The following AGBL1 variants were observed in gnomAD, a reference collection of about 807,000 sequenced individuals.
The protein encoded by AGBL1 is AGBL carboxypeptidase 1, also known as cytosolic carboxypeptidase 4.
Under a neutral mutation model 118.9 loss-of-function variants are expected in AGBL1, and 130 were observed. The observed-to-expected ratio is 1.09, with a 90% CI of 0.95 to 1.26. The LOEUF (loss-of-function observed/expected upper bound fraction) is 1.26. AGBL1 is among the 50% of genes most tolerant of loss of function. AGBL1 has a pLI of 0.00. For synonymous variants in AGBL1, 555 were observed against 478.9 expected (o/e 1.16, Z -2.08); for missense variants, 1,584 against 1,298.1 (o/e 1.22, Z -3.38).
intron 6 of AGBL1, 38 bp from the exon 7 acceptor site, chr15:86,247,633 G>A (rs2078741698): frequency 1.3e-6 from 2 of 1,548,462 alleles, no homozygotes; most frequent in African/African-American, 1.4e-5. Context: ...TGGCTGTGGA[G>A]AGCCTGTGAC....
At chr15:86,679,769 TTAA>T (rs1246363099) in intron 22 of AGBL1, among the ~76,000 whole-genome samples, 3 of 152,154 alleles carry the variant, frequency 2.0e-5, no homozygotes, top group Admixed American at 6.5e-5. Context: ...GATTAGATGA[TTAA>T]TTTTATCAAA....
intron 17 of AGBL1, among the ~76,000 whole-genome samples, chr15:86,311,478 C>T (rs565695808): frequency 2.6e-5 from 4 of 152,170 alleles, no homozygotes; most frequent in South Asian, 4.1e-4. Flanking sequence ...GAAAAGAATA[C>T]GCTTTCTTTT....
At chr15:86,294,402 C>CAA (rs35878636) in intron 16 of AGBL1, among the ~76,000 whole-genome samples, 103 of 63,466 alleles carry the variant, frequency 1.6e-3, no homozygotes, top group East Asian at 2.3e-3. Context: ...GACTTTGTCT[C>CAA]AAAAAAAAAA....
At chr15:86,519,804 A>C (rs1236467801) in intron 18 of AGBL1, among the ~76,000 whole-genome samples, 1 of 152,200 alleles carries the variant, frequency 6.6e-6, no homozygotes, top group African/African-American at 2.4e-5. Context: ...AATTTTCCCC[A>C]AAATAAGAGC....
intron 22 of AGBL1, among the ~76,000 whole-genome samples, chr15:86,687,982 A>AT (rs1309883025): frequency 6.6e-6 from 1 of 152,084 alleles, no homozygotes; most frequent in East Asian, 1.9e-4. Context: ...CAACACAGAG[A>AT]TTTTGTCTTC....
intron 1 of AGBL1, among the ~76,000 whole-genome samples, chr15:86,126,949 G>A (rs1416368704): frequency 6.6e-6 from 1 of 152,146 alleles, no homozygotes; most frequent in Admixed American, 6.5e-5. Flanking sequence ...TCCTTTAGAG[G>A]TGCTTGTGTG....
intron 22 of AGBL1, among the ~76,000 whole-genome samples, chr15:86,739,914 A>G (rs1251397984): frequency 1.3e-5 from 2 of 152,136 alleles, no homozygotes; most frequent in Non-Finnish European, 2.9e-5. Flanking sequence ...CTATGAAGAG[A>G]AATGTTTATG....
chr15:86,913,758 C>G lies in AGBL1; in HGVS notation c.*6464C>G, dbSNP rs1189892552. 1 of 152,184 alleles carries G rather than the reference C, an allele frequency of 6.6e-6. No homozygotes were observed. The highest frequency in any genetic ancestry group is 1.5e-5 in the Non-Finnish European group (1 of 68,102). The allele number at this position is 152,184 out of a possible 1,614,324, so 9.4% of individuals were successfully genotyped here. On this transcript the variant is annotated 3_prime_UTR_variant, in exon 23 of 23. Transcript: ENST00000614907. ...TGGTGCATGCCTGTAGTCCCAGCTA[C>G]TAGGGAGGCTGAGGCAGGAGGATCA...
chr15:86,930,517 G>A (rs915924571), intron 23 of AGBL1, among the ~76,000 whole-genome samples: 1 of 151,958 alleles, frequency 6.6e-6, no homozygotes, highest in African/African-American at 2.4e-5. Flanking sequence ...TTACTTAGAG[G>A]TCATCATTTC....
At chr15:86,095,050 T>C (rs1265190660) in intron 1 of AGBL1, among the ~76,000 whole-genome samples, 1 of 151,430 alleles carries the variant, frequency 6.6e-6, no homozygotes, top group Non-Finnish European at 1.5e-5. Context: ...AGGAAAGCAC[T>C]TTTATTTACA....
At chr15:86,618,746 T>C (rs1489976038) in intron 21 of AGBL1, among the ~76,000 whole-genome samples, 1 of 152,192 alleles carries the variant, frequency 6.6e-6, no homozygotes, top group African/African-American at 2.4e-5. Flanking sequence ...GGAAAGTGGA[T>C]CATAGACTGA....
chr15:86,468,224 G>A (rs1010430455), intron 18 of AGBL1, among the ~76,000 whole-genome samples: 2 of 152,118 alleles, frequency 1.3e-5, no homozygotes, highest in Non-Finnish European at 2.9e-5. Context: ...CATTAGACAG[G>A]CATTCAAGTC....
At chr15:86,322,483 G>A (rs2080119292) in intron 17 of AGBL1, among the ~76,000 whole-genome samples, 1 of 152,098 alleles carries the variant, frequency 6.6e-6, no homozygotes, top group Non-Finnish European at 1.5e-5. Flanking sequence ...ACCAATACAT[G>A]AAATTTGAGG....
intron 18 of AGBL1, among the ~76,000 whole-genome samples, chr15:86,404,121 G>A (rs1391278075): frequency 6.6e-6 from 1 of 152,138 alleles, no homozygotes; most frequent in African/African-American, 2.4e-5. Flanking sequence ...CCCATCAGCT[G>A]CTTGGTTCTG....
At chr15:86,383,722 G>T (rs1205193516) in intron 17 of AGBL1, among the ~76,000 whole-genome samples, 1 of 152,180 alleles carries the variant, frequency 6.6e-6, no homozygotes, top group Non-Finnish European at 1.5e-5. Flanking sequence ...ACTTCAGCCC[G>T]CTGCAGTGCT....
intron 6 of AGBL1, among the ~76,000 whole-genome samples, chr15:86,246,999 T>A (rs1228549174): frequency 6.6e-6 from 1 of 152,180 alleles, no homozygotes; most frequent in Non-Finnish European, 1.5e-5. Context: ...ATGTTTCTTT[T>A]TTTTCTGAGA....
chr15:86,576,222 A>T (rs909181227), intron 21 of AGBL1, among the ~76,000 whole-genome samples: 1 of 152,218 alleles, frequency 6.6e-6, no homozygotes, highest in Non-Finnish European at 1.5e-5. Flanking sequence ...CCTCCTGCAG[A>T]GTACATGTAT....
At chr15:86,865,832 C>T (rs910064401) in intron 22 of AGBL1, among the ~76,000 whole-genome samples, 1 of 152,306 alleles carries the variant, frequency 6.6e-6, no homozygotes, top group Non-Finnish European at 1.5e-5. Context: ...CTTCCTTTCT[C>T]TGCAGCTTTG....
intron 22 of AGBL1, among the ~76,000 whole-genome samples, chr15:86,783,177 C>T (rs939826312): frequency 2.0e-5 from 3 of 152,176 alleles, no homozygotes; most frequent in Non-Finnish European, 4.4e-5. Context: ...CCCTGCTTTC[C>T]ATGTCCCCGG....
Sources: gnomAD v4.1 joint callset for allele counts (sites outside exome capture counted in the v4.1 genomes callset) on GRCh38, gnomAD v4.1.1 for gene constraint, MANE v1.5 for transcripts, NCBI Gene and HGNC (gene_info 2026-07-23, HGNC 2026-07-21) for gene names.